SGCG: variants seen among roughly 807,000 people sequenced by gnomAD.
SGCG encodes sarcoglycan gamma.
Under a neutral mutation model 29.3 loss-of-function variants are expected in SGCG, and 26 were observed. The observed-to-expected ratio is 0.89, with a 90% CI of 0.65 to 1.23. SGCG has a LOEUF of 1.23. Among genes scored for constraint, SGCG ranks in the 50% most tolerant of loss-of-function variants. The pLI is 0.00. For synonymous variants in SGCG, 145 were observed against 129.7 expected, an observed-to-expected ratio of 1.12 and a Z score of -0.80; for missense variants, 353 against 356.0, an observed-to-expected ratio of 0.99 and a Z score of 0.07.
chr13:23,311,555 A>G (rs1882599845), intron 6 of SGCG, among the ~76,000 whole-genome samples: 2 of 152,106 alleles, frequency 1.3e-5, no homozygotes, highest in South Asian at 4.2e-4. Context: ...GTGTCTGACT[A>G]CTCCTACAGG....
At chr13:23,277,471 T>G (rs1011100667) in intron 4 of SGCG, among the ~76,000 whole-genome samples, 1 of 151,980 alleles carries the variant, frequency 6.6e-6, no homozygotes, top group Non-Finnish European at 1.5e-5. Context: ...CTGGCACTCT[T>G]GCCAAAAATA....
chr13:23,221,311 A>G (rs1187665666), intron 2 of SGCG, among the ~76,000 whole-genome samples: 4 of 151,950 alleles, frequency 2.6e-5, no homozygotes, highest in Non-Finnish European at 5.9e-5. Flanking sequence ...GAAGTTATGA[A>G]AGCACAAGTT....
chr13:23,256,518 T>G (rs2137578303), intron 4 of SGCG, among the ~76,000 whole-genome samples: 1 of 152,174 alleles, frequency 6.6e-6, no homozygotes, highest in Non-Finnish European at 1.5e-5. Context: ...CCTAATGCTG[T>G]CCCTCCCCCA....
intron 1 of SGCG, among the ~76,000 whole-genome samples, chr13:23,196,368 A>G (rs1341396298): frequency 8.9e-5 from 7 of 78,280 alleles, no homozygotes; most frequent in African/African-American, 3.7e-4. Context: ...AGTGCCCAAT[A>G]TCTTTTGGGG....
rs1555247973 is a variant in SGCG at position 23,320,644 on chromosome 13, T to TC, written c.591dup (p.Thr198HisfsTer22). Reference sequence around the variant, plus strand: ...TTCTTTTCCTCATCTCAGATTAGAATCCCCCACTCGGAGTCTAAGCATGGA... The same window carrying TC: ...TTCTTTTCCTCATCTCAGATTAGAATCCCCCCACTCGGAGTCTAAGCATGGA... On this transcript the variant is annotated frameshift_variant, in exon 7 of 8. Transcript: ENST00000218867. LOFTEE classifies it high-confidence loss of function. 1 of 1,422,618 alleles carries TC rather than the reference T, an allele frequency of 7.0e-7. No homozygotes were observed. The highest frequency in any genetic ancestry group is 9.7e-7 in the Non-Finnish European group (1 of 1,034,522). 88.1% of individuals were successfully genotyped at this position (1,422,618 alleles called of 1,614,324 possible).
At chr13:23,281,605 C>T (rs1403661790) in intron 5 of SGCG, among the ~76,000 whole-genome samples, 1 of 152,100 alleles carries the variant, frequency 6.6e-6, no homozygotes, top group Non-Finnish European at 1.5e-5. Flanking sequence ...CATTTTGGCA[C>T]CAGGGACTGG....
At chr13:23,192,048 T>A (rs11619138) in intron 1 of SGCG, among the ~76,000 whole-genome samples, 5 of 150,970 alleles carry the variant, frequency 3.3e-5, no homozygotes, top group East Asian at 2.0e-4. Context: ...GGTGGCGGGC[T>A]CCTGTAGTCC....
chr13:23,312,529 T>C (rs1566043559), intron 6 of SGCG, among the ~76,000 whole-genome samples: 1 of 152,222 alleles, frequency 6.6e-6, no homozygotes, highest in Non-Finnish European at 1.5e-5. Context: ...AAGTACCACA[T>C]GTTCTCACTT....
chr13:23,198,491 A>G (rs979412815), intron 1 of SGCG, among the ~76,000 whole-genome samples: 18 of 152,196 alleles, frequency 1.2e-4, no homozygotes, highest in African/African-American at 3.1e-4. Context: ...TCACATCTGG[A>G]GCCCTATCCA....
Position 23,324,622 on chromosome 13 carries a change from A to T in SGCG, c.*81A>T, listed in dbSNP as rs1883167240. 2.3e-6 allele frequency: 3 copies of T among 1,288,070 alleles called. No individual in the cohort carries two copies. The African/African-American group carries it at 4.4e-5, about 19-fold the overall frequency. The allele number at this position is 1,288,070 out of a possible 1,614,324, so 79.8% of individuals were successfully genotyped here. ...AGGGAGCAGCTGCACATCGTGAAAGACTGAGGCAGCGTGGATGGGAAGTAA... is the reference window on the plus strand; with the variant it reads ...AGGGAGCAGCTGCACATCGTGAAAGTCTGAGGCAGCGTGGATGGGAAGTAA... On this transcript the variant is annotated 3_prime_UTR_variant, in exon 8 of 8. Coordinates refer to ENST00000218867, the MANE Select transcript of SGCG (RefSeq NM_000231.3).
chr13:23,189,215 C>T (rs953567288), intron 1 of SGCG, among the ~76,000 whole-genome samples: 2 of 152,210 alleles, frequency 1.3e-5, no homozygotes, highest in Non-Finnish European at 1.5e-5. Context: ...AACCCTCTGT[C>T]GTCCAGGCTG....
chr13:23,255,547 T>C (rs372236605), intron 4 of SGCG, among the ~76,000 whole-genome samples: 5 of 152,116 alleles, frequency 3.3e-5, no homozygotes, highest in African/African-American at 9.7e-5. Context: ...TGAATATTTG[T>C]CCCCTACAAG....
chr13:23,205,454 C>T (rs1415334123), intron 2 of SGCG, among the ~76,000 whole-genome samples: 1 of 152,120 alleles, frequency 6.6e-6, no homozygotes, highest in Non-Finnish European at 1.5e-5. Context: ...GTAGGAGGCC[C>T]ATGGAAGGGC....
intron 3 of SGCG, chr13:23,244,414 A>C (rs527932890): frequency 2.6e-5 from 4 of 152,360 alleles, no homozygotes; most frequent in Non-Finnish European, 5.9e-5. Context: ...TTTTTAAAGT[A>C]ACATGGTATT....
intron 4 of SGCG, among the ~76,000 whole-genome samples, chr13:23,253,205 C>T (rs567529293): frequency 2.9e-4 from 44 of 152,156 alleles, no homozygotes; most frequent in Admixed American, 1.4e-3. Context: ...TATGATCACG[C>T]CATTACACTC....
At chr13:23,241,576 T>C (rs1879517834) in intron 3 of SGCG, among the ~76,000 whole-genome samples, 1 of 152,192 alleles carries the variant, frequency 6.6e-6, no homozygotes, top group African/African-American at 2.4e-5. Context: ...TCTCAAACTT[T>C]TTCAAAAACT....
intron 5 of SGCG, among the ~76,000 whole-genome samples, chr13:23,284,994 G>A (rs143793362): frequency 6.6e-4 from 100 of 152,318 alleles, no homozygotes; most frequent in African/African-American, 2.3e-3. Flanking sequence ...TCGTCCCAGA[G>A]GGGAACCTGC....
At chr13:23,287,593 T>A (rs1881541142) in intron 5 of SGCG, among the ~76,000 whole-genome samples, 1 of 152,202 alleles carries the variant, frequency 6.6e-6, no homozygotes, top group African/African-American at 2.4e-5. Context: ...TAGCTAAGTT[T>A]GCCATAATTC....
chr13:23,293,597 A>C (rs4611306), intron 5 of SGCG, among the ~76,000 whole-genome samples: 1 of 152,164 alleles, frequency 6.6e-6, no homozygotes, highest in South Asian at 2.1e-4. Context: ...TAGGAAGGCC[A>C]AGGAAGACAG....
Sources: allele counts gnomAD v4.1 joint callset (sites outside exome capture counted in the v4.1 genomes callset), GRCh38; gene constraint gnomAD v4.1.1; transcripts MANE v1.5; gene names NCBI Gene and HGNC (gene_info 2026-07-23, HGNC 2026-07-21).